Variants in RDX observed in about 807,000 individuals in gnomAD.
RDX encodes deafness, autosomal recessive 24.
RDX carries 32 observed loss-of-function variants against 83.7 expected under a neutral mutation model. The ratio of observed to expected loss-of-function variants is 0.38; its 90% confidence interval spans 0.29 to 0.51. The LOEUF is 0.51. Ranked by LOEUF, RDX falls within the 20% of genes least tolerant of loss-of-function variation. The pLI, the probability that RDX is intolerant of heterozygous loss-of-function variation, is 0.87. For synonymous variants in RDX, 229 were observed against 222.7 expected (o/e 1.03, Z -0.25); for missense variants, 600 against 689.9 (o/e 0.87, Z 1.46).
At chr11:110,206,740 T>C (rs1591510906) in intron 14 of RDX, among the ~76,000 whole-genome samples, 2 of 152,128 alleles carry the variant, frequency 1.3e-5, no homozygotes, top group East Asian at 3.8e-4. Flanking sequence ...CTACAATAGA[T>C]GGGGAAGTTA....
chr11:110,247,206 T>C (rs1003688524), intron 10 of RDX, among the ~76,000 whole-genome samples: 1 of 152,202 alleles, frequency 6.6e-6, no homozygotes, highest in African/African-American at 2.4e-5. Context: ...CAAAAAACGT[T>C]ATAACACGTC....
chr11:110,290,127 GA>G (rs201958278), intron 1 of RDX, among the ~76,000 whole-genome samples: 3 of 150,320 alleles, frequency 2.0e-5, no homozygotes. Context: ...ATTTAACAAA[GA>G]AAAAAAAACA....
chr11:110,189,972 A>G (rs1354840345), intron 15 of RDX, among the ~76,000 whole-genome samples: 1 of 152,180 alleles, frequency 6.6e-6, no homozygotes, highest in Non-Finnish European at 1.5e-5. Context: ...AATCCCAGCT[A>G]CTTGGGAGGC....
chr11:110,217,061 T>C (rs984094650), intron 14 of RDX, among the ~76,000 whole-genome samples: 3 of 152,156 alleles, frequency 2.0e-5, no homozygotes, highest in African/African-American at 7.2e-5. Context: ...GTGCACTCTT[T>C]TCATCTGTCT....
At chr11:110,180,899 T>A (rs972749110) in intron 15 of RDX, among the ~76,000 whole-genome samples, 3 of 152,146 alleles carry the variant, frequency 2.0e-5, no homozygotes, top group Admixed American at 6.5e-5. Flanking sequence ...CCGTGTTATA[T>A]TCCTCCACAG....
At chr11:110,209,715 C>G (rs1305488312) in intron 14 of RDX, among the ~76,000 whole-genome samples, 3 of 145,850 alleles carry the variant, frequency 2.1e-5, no homozygotes, top group Non-Finnish European at 4.6e-5. Flanking sequence ...GAGGCACCCC[C>G]CAGCAGGGGC....
At chr11:110,254,131 T>A in intron 8 of RDX, 22 bp from the exon 9 acceptor site, 1 of 1,603,898 alleles carries the variant, frequency 6.2e-7, no homozygotes, top group Non-Finnish European at 8.5e-7. Flanking sequence ...GTATTCTGAA[T>A]TTAAAATCTT....
chr11:110,186,868 G>T (rs764180957), intron 15 of RDX, among the ~76,000 whole-genome samples: 3 of 152,194 alleles, frequency 2.0e-5, no homozygotes, highest in Non-Finnish European at 2.9e-5. Context: ...GGTGACCCTG[G>T]CAGTGTAGCC....
chr11:110,246,077 G>A lies in RDX; in HGVS notation c.1090+1626C>T, dbSNP rs147029381. ...CACACCTAGCTCACTTTTATTTTTC[G>A]GAGAGATAAGATCTCACTATGTTGC... On this transcript the variant is annotated intron_variant, in intron 10 of 13. Transcript: ENST00000645495. Among the ~76,000 whole-genome samples the A allele has an allele frequency of 9.5e-3, 1,439 of 152,012 alleles. 15 individuals carry two copies. The highest frequency in any genetic ancestry group is 0.045 in the South Asian group (218 of 4,812).
At position 110,258,195 on chromosome 11, in the gene RDX, AG is replaced by A. The variant is rs1173831801; in HGVS notation, c.468-7del. 1.3e-6 allele frequency: 2 copies of A among 1,547,946 alleles called. No individual in the cohort carries two copies. The highest frequency in any genetic ancestry group is 1.4e-5 in the African/African-American group (1 of 72,592). On this transcript the variant is annotated splice_polypyrimidine_tract_variant and splice_region_variant and intron_variant, in intron 5 of 13. Coordinates refer to ENST00000645495, the MANE Select transcript of RDX (RefSeq NM_002906.4). The stretch of plus-strand genomic sequence containing the variant: ...GTTTGTGTTGTTCCAATACACTAAG[AG>A]GACCAAAAAAAAAAAAAAATTATAA...
intron 15 of RDX, among the ~76,000 whole-genome samples, chr11:110,190,964 A>G (rs924444677): frequency 7.2e-5 from 11 of 152,264 alleles, no homozygotes; most frequent in African/African-American, 2.7e-4. Context: ...CCAGCAGCCA[A>G]GAAAAGCTCT....
At chr11:110,204,058 G>C (rs1838983676) in intron 14 of RDX, among the ~76,000 whole-genome samples, 1 of 57,512 alleles carries the variant, frequency 1.7e-5, no homozygotes, top group African/African-American at 5.3e-5. Context: ...GAAAAGAAAT[G>C]AGACACCACT....
At chr11:110,288,693 A>T (rs149302732) in intron 1 of RDX, among the ~76,000 whole-genome samples, 1 of 152,338 alleles carries the variant, frequency 6.6e-6, no homozygotes, top group Admixed American at 6.5e-5. Context: ...TGCTATAAAA[A>T]AATTAAGCTT....
At chr11:110,182,894 T>C (rs1341051603) in intron 15 of RDX, among the ~76,000 whole-genome samples, 8 of 152,166 alleles carry the variant, frequency 5.3e-5, no homozygotes, top group African/African-American at 1.9e-4. Context: ...AAATAAAATA[T>C]CTATGTTACA....
chr11:110,234,601 T>A (rs906425056), intron 12 of RDX, among the ~76,000 whole-genome samples: 3 of 152,224 alleles, frequency 2.0e-5, no homozygotes, highest in Admixed American at 2.0e-4. Context: ...TAATTTTCTA[T>A]AATTCACAGA....
intron 9 of RDX, among the ~76,000 whole-genome samples, chr11:110,248,478 A>C (rs1219378704): frequency 1.3e-5 from 2 of 152,212 alleles, no homozygotes; most frequent in Non-Finnish European, 2.9e-5. Flanking sequence ...CTATTTTTAA[A>C]AAATATTAAA....
intron 13 of RDX, among the ~76,000 whole-genome samples, chr11:110,232,505 G>A (rs1250699944): frequency 6.6e-6 from 1 of 152,048 alleles, no homozygotes; most frequent in Non-Finnish European, 1.5e-5. Flanking sequence ...CTTTGACCTA[G>A]TTATGTCCAT....
chr11:110,250,459 C>T, intron 9 of RDX, among the ~76,000 whole-genome samples: 1 of 152,134 alleles, frequency 6.6e-6, no homozygotes, highest in Non-Finnish European at 1.5e-5. Flanking sequence ...CAAGACAATT[C>T]TCGAGGACTT....
chr11:110,289,978 A>AC (rs1268768447), intron 1 of RDX, among the ~76,000 whole-genome samples: 3 of 149,044 alleles, frequency 2.0e-5, no homozygotes, highest in African/African-American at 7.3e-5. Flanking sequence ...AAAAAAAAAA[A>AC]AAAACAAGGG....
Sources: allele counts gnomAD v4.1 joint callset (sites outside exome capture counted in the v4.1 genomes callset), GRCh38; gene constraint gnomAD v4.1.1; transcripts MANE v1.5; gene names NCBI Gene and HGNC (gene_info 2026-07-23, HGNC 2026-07-21).